The following NEK10 variants were observed in gnomAD, a reference collection of about 807,000 sequenced individuals.
NEK10 encodes NIMA related kinase 10.
A neutral mutation model predicts 159.8 loss-of-function variants in NEK10; 122 were observed. That is an observed-to-expected ratio of 0.76 (90% CI 0.66 to 0.89). The LOEUF is 0.89. Ranked by LOEUF, NEK10 falls within the 40% of genes least tolerant of loss-of-function variation. The pLI is 0.00. For missense variants in NEK10, 1,342 were observed against 1,323.1 expected, an observed-to-expected ratio of 1.01 and a Z score of -0.22; for synonymous variants, 466 against 457.1, an observed-to-expected ratio of 1.02 and a Z score of -0.25.
chr3:27,260,352 G>A (rs1411943452), intron 22 of NEK10, among the ~76,000 whole-genome samples: 1 of 152,132 alleles, frequency 6.6e-6, no homozygotes, highest in Non-Finnish European at 1.5e-5. Context: ...TATTGCCTGT[G>A]GGTTTGTCAT....
intron 30 of NEK10, among the ~76,000 whole-genome samples, chr3:27,155,296 G>A (rs892319494): frequency 6.6e-6 from 1 of 152,050 alleles, no homozygotes; most frequent in African/African-American, 2.4e-5. Flanking sequence ...GAGGTCAAGA[G>A]ATCGAGACCA....
intron 22 of NEK10, among the ~76,000 whole-genome samples, chr3:27,269,761 ATTGGGTTATC>A (rs1220870553): frequency 1.3e-5 from 2 of 152,138 alleles, no homozygotes; most frequent in East Asian, 3.8e-4. Flanking sequence ...TGTGTTCTTT[ATTGGGTTATC>A]TTTAACTCTT....
intron 30 of NEK10, among the ~76,000 whole-genome samples, chr3:27,153,319 C>CAAA (rs34333130): frequency 1.1e-5 from 1 of 90,656 alleles, no homozygotes. Context: ...GACTCCATCT[C>CAAA]AAAAAAAAAA....
intron 25 of NEK10, among the ~76,000 whole-genome samples, chr3:27,200,294 A>G (rs1949936131): frequency 6.6e-6 from 1 of 152,138 alleles, no homozygotes; most frequent in Non-Finnish European, 1.5e-5. Flanking sequence ...AGTTCATCAG[A>G]GATGGGGCTA....
At chr3:27,181,920 G>T (rs1196546146) in intron 26 of NEK10, among the ~76,000 whole-genome samples, 1 of 152,114 alleles carries the variant, frequency 6.6e-6, no homozygotes, top group Non-Finnish European at 1.5e-5. Flanking sequence ...AATAAAAATT[G>T]TAGGTATGAT....
At chr3:27,232,598 T>C (rs1184812031) in intron 23 of NEK10, among the ~76,000 whole-genome samples, 1 of 151,994 alleles carries the variant, frequency 6.6e-6, no homozygotes, top group Non-Finnish European at 1.5e-5. Flanking sequence ...AGAGCCCACA[T>C]AGCCAAAGCA....
At chr3:27,232,114 A>T (rs1228306688) in intron 23 of NEK10, among the ~76,000 whole-genome samples, 8 of 151,964 alleles carry the variant, frequency 5.3e-5, no homozygotes, top group Admixed American at 5.2e-4. Context: ...CAAATCCAAC[A>T]GCATATCAAA....
At chr3:27,143,473 C>A in intron 30 of NEK10, 1 of 760,692 alleles carries the variant, frequency 1.3e-6, no homozygotes, top group Non-Finnish European at 2.4e-6. Flanking sequence ...CCATCTGTGG[C>A]CCTAAATACA....
At chr3:27,368,442 T>C (rs1291543204) in intron 1 of NEK10, among the ~76,000 whole-genome samples, 1 of 151,884 alleles carries the variant, frequency 6.6e-6, no homozygotes, top group Non-Finnish European at 1.5e-5. Flanking sequence ...AACCAACCGA[T>C]GGTGGAAATT....
At chr3:27,156,493 A>T (rs982038398) in intron 30 of NEK10, among the ~76,000 whole-genome samples, 4 of 152,154 alleles carry the variant, frequency 2.6e-5, no homozygotes, top group African/African-American at 9.7e-5. Flanking sequence ...TGGGCCAAAG[A>T]TATGAATAGA....
intron 5 of NEK10, among the ~76,000 whole-genome samples, chr3:27,329,469 C>CTG (rs1251098130): frequency 6.6e-6 from 1 of 152,138 alleles, no homozygotes; most frequent in Non-Finnish European, 1.5e-5. Flanking sequence ...CAGGATGTGA[C>CTG]TGTCAGTTAC....
At chr3:27,208,132 G>A (rs1172749454) in intron 23 of NEK10, among the ~76,000 whole-genome samples, 2 of 152,052 alleles carry the variant, frequency 1.3e-5, no homozygotes, top group Non-Finnish European at 2.9e-5. Flanking sequence ...AACCGTTGCC[G>A]AGAAATGGCT....
intron 25 of NEK10, among the ~76,000 whole-genome samples, chr3:27,195,729 T>A (rs1048549833): frequency 6.6e-6 from 1 of 152,210 alleles, no homozygotes; most frequent in East Asian, 1.9e-4. Context: ...AGATTACACG[T>A]CCTTTTTTCA....
At chr3:27,160,327 G>C (rs1046520769) in intron 30 of NEK10, among the ~76,000 whole-genome samples, 5 of 152,106 alleles carry the variant, frequency 3.3e-5, no homozygotes, top group African/African-American at 1.2e-4. Context: ...ATTACAGCAT[G>C]GTTTGCAGAT....
In NEK10 at chr3:27,107,979, C is replaced by T. The variant is rs1368399177; in HGVS notation, c.*3293G>A. On this transcript the variant is annotated 3_prime_UTR_variant, in exon 36 of 36. Transcript: ENST00000691995. ...AATGTGGGTTCTATGCATATTAATA[C>T]TGATAAAATTCACTAGCCAATATTA... Among the ~76,000 whole-genome samples the T allele has an allele frequency of 6.6e-6, 1 of 152,126 alleles. No individual in the cohort carries two copies. Among genetic ancestry groups the T allele is most frequent in the Non-Finnish European group, 1.5e-5 (1 of 68,020 alleles).
intron 23 of NEK10, among the ~76,000 whole-genome samples, chr3:27,239,993 T>C (rs187104279): frequency 7.2e-5 from 11 of 152,262 alleles, no homozygotes; most frequent in Admixed American, 7.2e-4. Context: ...AAAAATGAAA[T>C]AGATGAGCAC....
intron 14 of NEK10, 30 bp from the exon 15 acceptor site, chr3:27,295,720 T>C (rs947190951): frequency 3.2e-6 from 5 of 1,544,680 alleles, no homozygotes; most frequent in Non-Finnish European, 4.4e-6. Flanking sequence ...ATACTATGAG[T>C]GACAACACTG....
At chr3:27,188,288 C>G (rs1948801116) in intron 26 of NEK10, among the ~76,000 whole-genome samples, 1 of 152,182 alleles carries the variant, frequency 6.6e-6, no homozygotes, top group Admixed American at 6.5e-5. Context: ...GAAAGTTCCT[C>G]CTGCATATGC....
intron 32 of NEK10, among the ~76,000 whole-genome samples, chr3:27,121,852 A>T (rs1941363762): frequency 6.6e-6 from 1 of 152,132 alleles, no homozygotes; most frequent in Admixed American, 6.5e-5. Context: ...TATTCTATAT[A>T]TTGATGTGGG....
Sources: gnomAD v4.1 joint callset for allele counts (sites outside exome capture counted in the v4.1 genomes callset) on GRCh38, gnomAD v4.1.1 for gene constraint, MANE v1.5 for transcripts, NCBI Gene and HGNC (gene_info 2026-07-23, HGNC 2026-07-21) for gene names.